Variants in ZMPSTE24 observed in about 807,000 individuals in gnomAD.
ZMPSTE24 encodes the protein zinc metallopeptidase STE24, also known as CAAX prenyl protease 1 homolog.
In ZMPSTE24, 48 loss-of-function variants were observed where a neutral mutation model predicts 56.7. The ratio of observed to expected loss-of-function variants is 0.85; its 90% confidence interval spans 0.67 to 1.08. The LOEUF is 1.08. Among genes scored for constraint, ZMPSTE24 ranks in the 50% least tolerant of loss-of-function variants. The pLI is 0.00. For missense variants in ZMPSTE24, 503 were observed against 548.7 expected (o/e 0.92, Z 0.83); for synonymous variants, 172 against 195.2 (o/e 0.88, Z 0.99).
chr1:40,275,291 G>A (rs573404662), intron 6 of ZMPSTE24, among the ~76,000 whole-genome samples: 70 of 140,386 alleles, frequency 5.0e-4, no homozygotes, highest in Non-Finnish European at 9.1e-4. Context: ...AAAAAAAGCC[G>A]GGCGTGGTGG....
At position 40,273,322 on chromosome 1, in the gene ZMPSTE24, A is replaced by G. The variant is rs578055056; in HGVS notation, c.769+1287A>G. 3.3e-5 allele frequency among the ~76,000 whole-genome samples: 5 copies of G among 151,900 alleles called. No individual in the cohort carries two copies. In the East Asian group the frequency reaches 9.7e-4, roughly 29 times the overall value. On this transcript the variant is annotated intron_variant, in intron 6 of 9. Transcript: ENST00000372759. ...CACCTGAGGTCAGGCGTTCGAGACC[A>G]GCCTGGCCAACATGGTGAAACCCTG...
At chr1:40,284,307 C>T (rs937206898) in intron 7 of ZMPSTE24, among the ~76,000 whole-genome samples, 5 of 151,720 alleles carry the variant, frequency 3.3e-5, no homozygotes, top group African/African-American at 7.3e-5. Context: ...TACAGCATTT[C>T]GTTACTTTTT....
intron 8 of ZMPSTE24, among the ~76,000 whole-genome samples, chr1:40,286,797 G>A (rs1046262995): frequency 2.0e-5 from 3 of 146,422 alleles, no homozygotes; most frequent in Admixed American, 7.0e-5. Context: ...GCGTGATCTC[G>A]GCTCACTGCA....
intron 7 of ZMPSTE24, among the ~76,000 whole-genome samples, chr1:40,283,229 C>T (rs1643747845): frequency 6.6e-6 from 1 of 152,160 alleles, no homozygotes. Flanking sequence ...TATGGTCAGG[C>T]ACTGTGGCCC....
chr1:40,271,991 CAA>C lies in ZMPSTE24; in HGVS notation c.727_728del (p.Lys243GlufsTer3), dbSNP rs779210584. ...CTTAAAGAAGAAATTGAAGTAATGG[CAA>C]AGAGTATTGACTTTCCTTTGACGAA... On this transcript the variant is annotated frameshift_variant, in exon 6 of 10. Coordinates refer to ENST00000372759, the MANE Select transcript of ZMPSTE24 (RefSeq NM_005857.5). LOFTEE classifies it high-confidence loss of function. 5.6e-6 allele frequency: 9 copies of C among 1,613,098 alleles called. No homozygotes were observed. Among genetic ancestry groups the C allele is most frequent in the Non-Finnish European group, 6.8e-6 (8 of 1,179,418 alleles).
chr1:40,259,222 TTTTAG>T (rs1341181786), intron 1 of ZMPSTE24: 1 of 152,176 alleles, frequency 6.6e-6, no homozygotes, highest in Admixed American at 6.5e-5. Context: ...ATCAACATTA[TTTTAG>T]TTTAAATATT....
At chr1:40,287,160 A>G (rs540830382) in intron 8 of ZMPSTE24, among the ~76,000 whole-genome samples, 2 of 151,222 alleles carry the variant, frequency 1.3e-5, no homozygotes, top group South Asian at 4.2e-4. Context: ...TGCACCTCCC[A>G]GGCTCAAGCC....
At chr1:40,269,073 CAAAA>C (rs60201234) in intron 4 of ZMPSTE24, among the ~76,000 whole-genome samples, 5 of 46,234 alleles carry the variant, frequency 1.1e-4, no homozygotes, top group East Asian at 6.9e-4. Context: ...GACTCCGTCT[CAAAA>C]AAAAAAAAAA....
intron 6 of ZMPSTE24, among the ~76,000 whole-genome samples, chr1:40,276,018 G>A (rs544670446): frequency 3.9e-5 from 6 of 152,272 alleles, no homozygotes; most frequent in South Asian, 2.1e-4. Context: ...ACATCTGATT[G>A]ACTAAGCCAG....
At chr1:40,280,289 A>G (rs1247583454) in intron 6 of ZMPSTE24, among the ~76,000 whole-genome samples, 3 of 152,104 alleles carry the variant, frequency 2.0e-5, no homozygotes, top group Non-Finnish European at 2.9e-5. Context: ...CTCCTTTGCA[A>G]ACTTCTTGAA....
intron 1 of ZMPSTE24, among the ~76,000 whole-genome samples, chr1:40,259,089 C>T (rs575070116): frequency 1.3e-5 from 2 of 152,124 alleles, no homozygotes; most frequent in Admixed American, 6.5e-5. Context: ...ACCCAGTAGG[C>T]GGAGGTTGCA....
At chr1:40,285,241 C>T (rs1643774047) in intron 7 of ZMPSTE24, among the ~76,000 whole-genome samples, 2 of 152,006 alleles carry the variant, frequency 1.3e-5, no homozygotes, top group South Asian at 4.1e-4. Flanking sequence ...AGAGCAGCTG[C>T]AATTACAGGC....
intron 1 of ZMPSTE24, among the ~76,000 whole-genome samples, chr1:40,260,419 T>C (rs923028090): frequency 2.6e-5 from 4 of 152,200 alleles, no homozygotes; most frequent in African/African-American, 9.7e-5. Flanking sequence ...CTCAAGTTTC[T>C]GGCATTTAGG....
At position 40,273,698 on chromosome 1, in the gene ZMPSTE24, A is replaced by G. The variant is rs573925851; in HGVS notation, c.769+1663A>G. ...TACTTCTTTAGCCTCTGAAATAACT[A>G]CTCTTTTTTTTTTAGGTAATATTAA... is the stretch of plus-strand genomic sequence containing the variant. On this transcript the variant is annotated intron_variant, in intron 6 of 9. Coordinates refer to ENST00000372759, the MANE Select transcript of ZMPSTE24 (RefSeq NM_005857.5). Among the ~76,000 whole-genome samples the G allele has an allele frequency of 5.4e-3, 733 of 135,310 alleles. 2 individuals carry two copies. Among genetic ancestry groups the G allele is most frequent in the Non-Finnish European group, 8.6e-3 (534 of 61,906 alleles). The allele number at this position is 135,310 out of a possible 152,430, so 88.8% of individuals were successfully genotyped here.
At chr1:40,284,670 T>G (rs991327839) in intron 7 of ZMPSTE24, among the ~76,000 whole-genome samples, 2 of 152,168 alleles carry the variant, frequency 1.3e-5, no homozygotes, top group South Asian at 4.1e-4. Flanking sequence ...AAGAATCACT[T>G]GAACCCAGGA....
chr1:40,260,681 A>G (rs1270669018), intron 1 of ZMPSTE24, among the ~76,000 whole-genome samples, 158 bp from the exon 2 acceptor site: 1 of 152,204 alleles, frequency 6.6e-6, no homozygotes, highest in Admixed American at 6.5e-5. Flanking sequence ...TTCCTGCATC[A>G]GTCGTTTCAT....
chr1:40,271,123 G>A (rs1643610728), intron 5 of ZMPSTE24, among the ~76,000 whole-genome samples: 1 of 152,166 alleles, frequency 6.6e-6, no homozygotes, highest in African/African-American at 2.4e-5. Flanking sequence ...CTATTTCACA[G>A]GCATGATCAT....
chr1:40,274,628 T>C (rs559810753), intron 6 of ZMPSTE24, among the ~76,000 whole-genome samples: 4 of 152,268 alleles, frequency 2.6e-5, no homozygotes, highest in African/African-American at 9.6e-5. Flanking sequence ...CACATAGGCC[T>C]TTGTAAGTCA....
intron 2 of ZMPSTE24, among the ~76,000 whole-genome samples, chr1:40,261,600 A>G (rs987718581): frequency 2.6e-5 from 4 of 152,214 alleles, no homozygotes; most frequent in Non-Finnish European, 5.9e-5. Flanking sequence ...CCTTAAAGAA[A>G]TAGTTAAGTC....
Sources: gnomAD v4.1 joint callset for allele counts (sites outside exome capture counted in the v4.1 genomes callset) on GRCh38, gnomAD v4.1.1 for gene constraint, MANE v1.5 for transcripts, NCBI Gene and HGNC (gene_info 2026-07-23, HGNC 2026-07-21) for gene names.